The following CDK13 variants were observed in gnomAD, a reference collection of about 807,000 sequenced individuals.
CDK13 encodes the protein cyclin-dependent kinase 13.
CDK13 carries 40 observed loss-of-function variants against 137.6 expected under a neutral mutation model. The observed-to-expected ratio is 0.29, with a 90% confidence interval of 0.23 to 0.38. The LOEUF is 0.38. CDK13 is among the 10% of genes least tolerant of loss of function. CDK13 has a pLI of 1.00. For synonymous variants in CDK13, 869 were observed against 760.1 expected (o/e 1.14, Z -2.36); for missense variants, 1,704 against 1,951.8 (o/e 0.87, Z 2.39).
chr7:40,031,449 G>C (rs1785377037), intron 5 of CDK13, among the ~76,000 whole-genome samples: 2 of 151,810 alleles, frequency 1.3e-5, no homozygotes, highest in South Asian at 2.1e-4. Context: ...TTCAACCTAG[G>C]GGGCAGAGGC....
At chr7:40,063,163 A>T in intron 9 of CDK13, 63 bp downstream of exon 9, 1 of 1,252,124 alleles carries the variant, frequency 8.0e-7, no homozygotes, top group African/African-American at 1.5e-5. Context: ...AGGAAATTTA[A>T]ACTCTCCCAA....
chr7:40,039,597 A>G (rs1416453640), intron 5 of CDK13, among the ~76,000 whole-genome samples: 5 of 151,838 alleles, frequency 3.3e-5, no homozygotes, highest in African/African-American at 1.2e-4. Context: ...ATGCCCGGCT[A>G]ATTTTTGTAT....
intron 5 of CDK13, among the ~76,000 whole-genome samples, chr7:40,039,434 A>ATTTTTTTTTTTTTTTGT (rs1785556617): frequency 1.2e-5 from 1 of 84,996 alleles, no homozygotes; most frequent in African/African-American, 5.6e-5. Flanking sequence ...TGCCCGGCTA[A>ATTTTTTTTTTTTTTTGT]TTTTTTTTTT....
At chr7:39,969,671 A>AT (rs370071449) in intron 1 of CDK13, among the ~76,000 whole-genome samples, 79 of 144,920 alleles carry the variant, frequency 5.5e-4, no homozygotes, top group African/African-American at 1.1e-3. Context: ...AATAAGACTT[A>AT]TTTTTTTTTT....
At chr7:40,064,737 G>A (rs1303588511) in intron 9 of CDK13, among the ~76,000 whole-genome samples, 1 of 151,550 alleles carries the variant, frequency 6.6e-6, no homozygotes, top group Non-Finnish European at 1.5e-5. Context: ...AAAAGAAGAA[G>A]GGAAGGGAAG....
At chr7:40,018,897 T>A (rs567648560) in intron 5 of CDK13, among the ~76,000 whole-genome samples, 22 of 152,118 alleles carry the variant, frequency 1.4e-4, no homozygotes, top group Admixed American at 2.0e-4. Context: ...TGAAAAAAAA[T>A]TTTAAAGTAA....
rs186397161 is a variant in CDK13, at chr7:40,091,614, G to C, written c.3236-1171G>C. On this transcript the variant is annotated intron_variant, in intron 12 of 13. Transcript: ENST00000181839. ...AGTAAGTATGCTGAAATAAGAAAAC[G>C]CCCCTTCAGCAAAAGAGGCACCTCA... Among the ~76,000 whole-genome samples the C allele has an allele frequency of 2.5e-3, 379 of 151,988 alleles. 2 individuals carry two copies. Among genetic ancestry groups the C allele is most frequent in the Non-Finnish European group, 4.1e-3 (281 of 67,956 alleles).
At position 39,951,390 on chromosome 7, in the gene CDK13, G is replaced by A; in HGVS notation, c.749G>A (p.Ser250Asn). ...CGGGCCGAGGTCGCCAAGAGCGGCAGCAGCAGCAGCAGCGGCGGCCGCCGG... is the reference window on the plus strand; with the variant it reads ...CGGGCCGAGGTCGCCAAGAGCGGCAACAGCAGCAGCAGCGGCGGCCGCCGG... ...EERAEVAKSGSSSSSGGRRKS... is the reference protein window; with the variant it reads ...EERAEVAKSGNSSSSGGRRKS... The change falls in exon 1 of 14, where the codon AGC becomes AAC. Residue 250 changes from serine (S) to asparagine (N), a missense_variant. Ser to Asn is a conservative substitution (Grantham distance 46). Coordinates refer to ENST00000181839, the MANE Select transcript of CDK13 (RefSeq NM_003718.5). The A allele has an allele frequency of 6.6e-7, 1 of 1,523,106 alleles. No individual in the cohort carries two copies. Among genetic ancestry groups the A allele is most frequent in the Non-Finnish European group, 8.8e-7 (1 of 1,138,650 alleles). 94.3% of individuals were successfully genotyped at this position (1,523,106 alleles called of 1,614,324 possible).
chr7:39,968,751 G>A (rs551291442), intron 1 of CDK13, among the ~76,000 whole-genome samples: 1 of 152,272 alleles, frequency 6.6e-6, no homozygotes, highest in South Asian at 2.1e-4. Context: ...CTCCAGCCTT[G>A]TTCTTTTTGC....
chr7:39,964,811 C>G (rs1035534386), intron 1 of CDK13, among the ~76,000 whole-genome samples: 14 of 152,068 alleles, frequency 9.2e-5, no homozygotes, highest in Admixed American at 2.6e-4. Flanking sequence ...CCCAGAGATT[C>G]TGGTATGTTG....
chr7:40,094,818 C>A lies in CDK13; in HGVS notation c.4377C>A (p.Asn1459Lys). Residue 1459 changes from asparagine to lysine, a missense_variant, in exon 14 of 14, where the codon AAC becomes AAA. Physicochemically the swap from Asn to Lys is moderately conservative, Grantham distance 94. This residue lies in a region of CDK13 where 475 missense variants were observed against 579.3 expected (regional missense o/e 0.82). Transcript: ENST00000181839. ...STHPLPAKMH[N>K]YNYGGNLQEN... ...ATCCTTTGCCAGCAAAGATGCACAA[C>A]TATAACTATGGTGGTAACTTACAGG... The A allele has an allele frequency of 6.3e-7, 1 of 1,582,182 alleles. No individual in the cohort carries two copies. Among genetic ancestry groups the A allele is most frequent in the East Asian group, 2.2e-5 (1 of 44,672 alleles).
At chr7:40,093,898 C>T (rs1299558540) in intron 13 of CDK13, among the ~76,000 whole-genome samples, 9 of 135,658 alleles carry the variant, frequency 6.6e-5, no homozygotes, top group Admixed American at 2.3e-4. Flanking sequence ...AGAGTGAGAC[C>T]GTGTCACCAA....
chr7:40,019,168 T>A (rs916794848), intron 5 of CDK13, among the ~76,000 whole-genome samples: 8 of 152,206 alleles, frequency 5.3e-5, no homozygotes, highest in Non-Finnish European at 5.9e-5. Context: ...AGAAAACTTT[T>A]GAGGGTGGTG....
chr7:40,001,865 A>C lies in CDK13; in HGVS notation c.2187A>C (p.Glu729Asp). ...TTTTATTAAATTCCTTAATAGGAGA[A>C]ATGGTAGCCTTAAAAAAAGTACGTC... is the stretch of plus-strand genomic sequence containing the variant. ...VYKARDKDTGEMVALKKVRLD... is the reference protein window; with the variant it reads ...VYKARDKDTGDMVALKKVRLD... The change falls in exon 5 of 14, where the codon GAA (glutamate) becomes GAC (aspartate). Residue 729 changes from glutamate (E) to aspartate (D), a missense_variant. This residue lies in a region of CDK13 where 130 missense variants were observed against 362.4 expected (regional missense o/e 0.36). Transcript: ENST00000181839. 1 of 1,593,648 alleles carries C rather than the reference A, an allele frequency of 6.3e-7. No homozygotes were observed. Among genetic ancestry groups the C allele is most frequent in the South Asian group, 1.1e-5 (1 of 88,944 alleles).
intron 9 of CDK13, among the ~76,000 whole-genome samples, chr7:40,065,468 T>TA (rs879789819): frequency 7.7e-4 from 114 of 148,624 alleles, no homozygotes; most frequent in East Asian, 5.9e-4. Flanking sequence ...ATTGATAGGC[T>TA]AAAAAAAAAA....
chr7:40,085,630 G>A (rs1786771788), intron 11 of CDK13: 1 of 152,574 alleles, frequency 6.6e-6, no homozygotes. Flanking sequence ...AAATTCTTTG[G>A]CGGGTTTATG....
chr7:40,088,128 TCC>T lies in CDK13; in HGVS notation c.3034_3035del (p.Pro1012PhefsTer7). 6.2e-7 allele frequency: 1 copy of T among 1,606,696 alleles called. No homozygotes were observed. The highest frequency in any genetic ancestry group is 1.7e-4 in the Middle Eastern group (1 of 6,028). The stretch of plus-strand genomic sequence containing the variant: ...TTTAATTCCTTTTTTTTTTTCAGTC[TCC>T]CTTTATGGCAAGATTGTCATGAGTT... On this transcript the variant is annotated frameshift_variant, in exon 12 of 14. Coordinates refer to ENST00000181839, the MANE Select transcript of CDK13 (RefSeq NM_003718.5). LOFTEE classifies it high-confidence loss of function.
Position 39,950,646 on chromosome 7 carries a change from C to G in CDK13, c.5C>G (p.Pro2Arg), listed in dbSNP as rs985289890. The stretch of plus-strand genomic sequence containing the variant: ...CTCTGCGGCTGGCTCTAGGCGATGC[C>G]GAGCAGCTCGGACACGGCGCTGGGG... M[P>R]SSSDTALGGG... is the part of the protein sequence containing the mutation. Residue 2 changes from proline (P) to arginine (R), a missense_variant, in exon 1 of 14, where the codon CCG (proline) becomes CGG (arginine). Pro to Arg is a moderately radical substitution (Grantham distance 103). Around this residue, in one of 5 missense-constraint regions of CDK13, gnomAD observed 1,051 missense variants for 931.0 expected, o/e 1.13. Coordinates refer to ENST00000181839, the MANE Select transcript of CDK13 (RefSeq NM_003718.5). The G allele has an allele frequency of 1.3e-5, 17 of 1,333,646 alleles. No individual in the cohort carries two copies. The highest frequency in any genetic ancestry group is 4.0e-5 in the Admixed American group (1 of 25,130). 82.6% of individuals were successfully genotyped at this position (1,333,646 alleles called of 1,614,324 possible).
intron 12 of CDK13, among the ~76,000 whole-genome samples, chr7:40,090,083 G>A (rs554608037): frequency 6.6e-6 from 1 of 152,222 alleles, no homozygotes; most frequent in Non-Finnish European, 1.5e-5. Flanking sequence ...TATTTGTCCT[G>A]CTAACAAAAG....
Sources: allele counts gnomAD v4.1 joint callset (sites outside exome capture counted in the v4.1 genomes callset), GRCh38; gene constraint gnomAD v4.1.1; regional missense constraint gnomAD v4.1.1; transcripts MANE v1.5; gene names NCBI Gene and HGNC (gene_info 2026-07-23, HGNC 2026-07-21).